Variants in B3GALT1 observed in about 807,000 individuals in gnomAD.
The protein encoded by B3GALT1 is beta-1,3-galactosyltransferase 1, also known as UDP-Gal:betaGlcNAc beta 1,3-galactosyltransferase, polypeptide 1.
In B3GALT1, 10 loss-of-function variants were observed where a neutral mutation model predicts 23.2. That is an observed-to-expected ratio of 0.43 (90% CI 0.27 to 0.73). B3GALT1 has a LOEUF of 0.73. Ranked by LOEUF, B3GALT1 falls within the 30% of genes least tolerant of loss-of-function variation. The pLI, the probability that B3GALT1 is intolerant of heterozygous loss-of-function variation, is 0.21. For missense variants in B3GALT1, 299 were observed against 405.4 expected, an observed-to-expected ratio of 0.74 and a Z score of 2.25; for synonymous variants, 156 against 141.5, an observed-to-expected ratio of 1.10 and a Z score of -0.73.
intron 3 of B3GALT1, chr2:167,814,933 C>G (rs559327291): frequency 6.6e-6 from 1 of 152,202 alleles, no homozygotes; most frequent in African/African-American, 2.4e-5. Context: ...AACGTATGTG[C>G]CACCAGTTTC....
At chr2:167,861,552 G>A (rs1553497445) in intron 4 of B3GALT1, among the ~76,000 whole-genome samples, 1 of 152,126 alleles carries the variant, frequency 6.6e-6, no homozygotes, top group Non-Finnish European at 1.5e-5. Flanking sequence ...AAAAAGCCAA[G>A]CAAAGGAGAC....
chr2:167,381,034 A>G (rs910273498), intron 1 of B3GALT1, among the ~76,000 whole-genome samples: 1 of 151,832 alleles, frequency 6.6e-6, no homozygotes, highest in African/African-American at 2.4e-5. Flanking sequence ...CATCGTGGGG[A>G]AAAAACAAAA....
rs78739672 is a variant in B3GALT1, at chr2:167,492,380, A to G, written c.-410+2103A>G. 5.9e-5 allele frequency among the ~76,000 whole-genome samples: 9 copies of G among 151,806 alleles called. No homozygotes were observed. The East Asian group carries it at 1.8e-3, about 30-fold the overall frequency. ...GTACCATAGTTTACCCATTTACCTA[A>G]TGAAGAATATCTTGATTGTTTCCAA... On this transcript the variant is annotated intron_variant, in intron 2 of 4. Coordinates refer to ENST00000392690, the MANE Select transcript of B3GALT1 (RefSeq NM_020981.4).
chr2:167,296,003 C>G (rs1696344678), intron 1 of B3GALT1, among the ~76,000 whole-genome samples: 1 of 152,100 alleles, frequency 6.6e-6, no homozygotes, highest in African/African-American at 2.4e-5. Flanking sequence ...GTAGTGCCAG[C>G]CACTTAATTT....
chr2:167,480,641 G>A (rs566098862), intron 1 of B3GALT1, among the ~76,000 whole-genome samples: 3 of 152,292 alleles, frequency 2.0e-5, no homozygotes, highest in Non-Finnish European at 2.9e-5. Flanking sequence ...CAGGTGGGGC[G>A]GGGACTATCT....
chr2:167,506,342 C>T (rs571976699), intron 2 of B3GALT1, among the ~76,000 whole-genome samples: 1 of 152,206 alleles, frequency 6.6e-6, no homozygotes, highest in South Asian at 2.1e-4. Context: ...GAATGAATGA[C>T]TTTGAAGCAA....
intron 2 of B3GALT1, among the ~76,000 whole-genome samples, chr2:167,508,931 AT>A (rs1699963378): frequency 1.3e-5 from 2 of 152,336 alleles, no homozygotes; most frequent in South Asian, 4.1e-4. Context: ...GGAATTTAAT[AT>A]GTTTATTTTT....
At chr2:167,331,565 G>A (rs1018944209) in intron 1 of B3GALT1, among the ~76,000 whole-genome samples, 1 of 152,180 alleles carries the variant, frequency 6.6e-6, no homozygotes, top group African/African-American at 2.4e-5. Flanking sequence ...GTTGTGGCAG[G>A]TTGAGTGGGC....
intron 3 of B3GALT1, among the ~76,000 whole-genome samples, chr2:167,703,975 A>C (rs1423860737): frequency 6.6e-6 from 1 of 151,934 alleles, no homozygotes; most frequent in Non-Finnish European, 1.5e-5. Context: ...AGGTCAGGAG[A>C]TCAAGACCTT....
Position 167,867,587 on chromosome 2 carries a change from T to A in B3GALT1, c.-229-1224T>A, listed in dbSNP as rs73021277. Among the ~76,000 whole-genome samples, 320 of 152,358 alleles carry A rather than the reference T, an allele frequency of 2.1e-3. 2 individuals carry two copies. Among genetic ancestry groups the A allele is most frequent in the African/African-American group, 7.4e-3 (306 of 41,580 alleles). ...CTGCTGTTCACATCGTGTATTTTTA[T>A]TTCATTATGACTATTGTGCTTAGAA... On this transcript the variant is annotated intron_variant, in intron 4 of 4. Coordinates refer to ENST00000392690, the MANE Select transcript of B3GALT1 (RefSeq NM_020981.4).
intron 2 of B3GALT1, among the ~76,000 whole-genome samples, chr2:167,528,348 G>A (rs1298374994): frequency 6.6e-6 from 1 of 152,102 alleles, no homozygotes; most frequent in Non-Finnish European, 1.5e-5. Flanking sequence ...TGAATATCTG[G>A]GTTTTATTTA....
At chr2:167,701,591 G>T (rs568440525) in intron 3 of B3GALT1, among the ~76,000 whole-genome samples, 1 of 152,248 alleles carries the variant, frequency 6.6e-6, no homozygotes, top group East Asian at 1.9e-4. Context: ...CCCAAGGATT[G>T]TTAAATTGAC....
At chr2:167,744,999 A>G (rs1450687928) in intron 3 of B3GALT1, among the ~76,000 whole-genome samples, 1 of 152,182 alleles carries the variant, frequency 6.6e-6, no homozygotes, top group Admixed American at 6.5e-5. Flanking sequence ...TTTAATTGCT[A>G]ATATACTTGG....
chr2:167,770,451 T>C (rs1688054564), intron 3 of B3GALT1, among the ~76,000 whole-genome samples: 1 of 152,188 alleles, frequency 6.6e-6, no homozygotes, highest in Admixed American at 6.5e-5. Flanking sequence ...TTCAACTGTT[T>C]TGTTCATGTT....
At chr2:167,613,817 A>G (rs1685110414) in intron 2 of B3GALT1, among the ~76,000 whole-genome samples, 1 of 151,870 alleles carries the variant, frequency 6.6e-6, no homozygotes, top group African/African-American at 2.4e-5. Flanking sequence ...CCCCAAGAAT[A>G]TAAAGATATT....
chr2:167,331,219 G>C (rs1440203476), intron 1 of B3GALT1, among the ~76,000 whole-genome samples: 3 of 152,118 alleles, frequency 2.0e-5, no homozygotes, highest in Non-Finnish European at 4.4e-5. Flanking sequence ...GCCAGCTTTG[G>C]GCCCTAATGA....
At chr2:167,640,288 G>A (rs1030859951) in intron 2 of B3GALT1, among the ~76,000 whole-genome samples, 1 of 152,010 alleles carries the variant, frequency 6.6e-6, no homozygotes, top group Non-Finnish European at 1.5e-5. Flanking sequence ...GTAACACATT[G>A]TTCACCTTAA....
rs1039292762 is a variant in B3GALT1 at position 167,570,323 on chromosome 2, A to G, written c.-409-76586A>G. On this transcript the variant is annotated intron_variant, in intron 2 of 4. Coordinates refer to ENST00000392690, the MANE Select transcript of B3GALT1 (RefSeq NM_020981.4). ...TTTCTGTTTTGGAAGGTTATTAGTT[A>G]TTGATTCAATTTCTGTAATAGATAT... Among the ~76,000 whole-genome samples, 3 of 151,798 alleles carry G rather than the reference A, an allele frequency of 2.0e-5. No homozygotes were observed. The East Asian group carries it at 5.8e-4, about 29-fold the overall frequency.
intron 2 of B3GALT1, among the ~76,000 whole-genome samples, chr2:167,551,598 C>T (rs1031596534): frequency 6.6e-6 from 1 of 152,166 alleles, no homozygotes; most frequent in Non-Finnish European, 1.5e-5. Flanking sequence ...CAGCCAACAG[C>T]CTGCTCTCTA....
Sources: gnomAD v4.1 joint callset for allele counts (sites outside exome capture counted in the v4.1 genomes callset) on GRCh38, gnomAD v4.1.1 for gene constraint, MANE v1.5 for transcripts, NCBI Gene and HGNC (gene_info 2026-07-23, HGNC 2026-07-21) for gene names.